RHOJ: variants seen among roughly 807,000 people sequenced by gnomAD.
The protein encoded by RHOJ is rho-related GTP-binding protein RhoJ.
A neutral mutation model predicts 23.4 loss-of-function variants in RHOJ; 11 were observed. The ratio of observed to expected loss-of-function variants is 0.47; its 90% CI spans 0.30 to 0.78. The LOEUF (loss-of-function observed/expected upper bound fraction) is 0.78. Ranked by LOEUF, RHOJ falls within the 30% of genes least tolerant of loss-of-function variation. The pLI, the probability that RHOJ is intolerant of heterozygous loss-of-function variation, is 0.08. For synonymous variants in RHOJ, 102 were observed against 102.7 expected (o/e 0.99, Z 0.04); for missense variants, 254 against 273.4 (o/e 0.93, Z 0.50).
chr14:63,281,242 A>C, intron 3 of RHOJ, 107 bp downstream of exon 3: 2 of 1,080,318 alleles, frequency 1.9e-6, no homozygotes, highest in South Asian at 1.8e-5. Flanking sequence ...AGTGTGTCTC[A>C]GACATGTCAA....
intron 2 of RHOJ, among the ~76,000 whole-genome samples, chr14:63,271,956 C>T (rs757112611): frequency 5.3e-5 from 8 of 152,242 alleles, no homozygotes; most frequent in Non-Finnish European, 8.8e-5. Flanking sequence ...TTGAGAGCCA[C>T]TCAAAGTGTG....
rs921202045 is a variant in RHOJ, at chr14:63,205,020, G to A, written c.151G>A (p.Val51Met). The A allele has an allele frequency of 2.5e-6, 4 of 1,614,028 alleles. No individual in the cohort carries two copies. In the African/African-American group the frequency reaches 5.3e-5, roughly 22 times the overall value. The change falls in exon 1 of 5, where the codon GTG becomes ATG. Residue 51 changes from valine to methionine, a missense_variant. Transcript: ENST00000316754. Reference sequence around the variant, plus strand: ...CAACGACGCCTTCCCAGAGGAATACGTGCCCACTGTGTTTGACCACTATGC... The same window carrying A: ...CAACGACGCCTTCCCAGAGGAATACATGCCCACTGTGTTTGACCACTATGC... Reference protein sequence around the residue: ...YANDAFPEEYVPTVFDHYAVT... With the variant: ...YANDAFPEEYMPTVFDHYAVT...
chr14:63,260,529 T>C (rs972488128), intron 1 of RHOJ, among the ~76,000 whole-genome samples: 7 of 152,242 alleles, frequency 4.6e-5, no homozygotes, highest in African/African-American at 1.4e-4. Flanking sequence ...CCATGATTGC[T>C]GAGCATCCAA....
chr14:63,287,599 G>GTT (rs200884009), intron 4 of RHOJ, among the ~76,000 whole-genome samples: 6 of 139,358 alleles, frequency 4.3e-5, no homozygotes, highest in South Asian at 2.3e-4. Flanking sequence ...AGTCATTACG[G>GTT]TTTTTTTTTT....
chr14:63,230,841 CTT>C (rs57848893), intron 1 of RHOJ, among the ~76,000 whole-genome samples: 38 of 95,216 alleles, frequency 4.0e-4, no homozygotes, highest in Admixed American at 5.1e-4. Context: ...GGGTACAAGG[CTT>C]TTTTTTTTTT....
chr14:63,290,428 C>T (rs1021428768), intron 4 of RHOJ, among the ~76,000 whole-genome samples: 2 of 152,104 alleles, frequency 1.3e-5, no homozygotes, highest in Non-Finnish European at 1.5e-5. Flanking sequence ...AAAGAAGATA[C>T]ATTTCACTTG....
chr14:63,237,343 A>AG (rs1371566116), intron 1 of RHOJ, among the ~76,000 whole-genome samples: 1 of 152,220 alleles, frequency 6.6e-6, no homozygotes, highest in Non-Finnish European at 1.5e-5. Flanking sequence ...TTATTTTATG[A>AG]GAAAAAAAGC....
At chr14:63,219,191 TC>T (rs1894430303) in intron 1 of RHOJ, among the ~76,000 whole-genome samples, 1 of 152,128 alleles carries the variant, frequency 6.6e-6, no homozygotes, top group African/African-American at 2.4e-5. Flanking sequence ...ATCTAGTTAT[TC>T]CCATAAACCC....
At chr14:63,234,518 A>T (rs1023448103) in intron 1 of RHOJ, among the ~76,000 whole-genome samples, 4 of 152,236 alleles carry the variant, frequency 2.6e-5, no homozygotes, top group East Asian at 3.8e-4. Flanking sequence ...GCTTCAGTAT[A>T]AAAGACCTGA....
intron 2 of RHOJ, 83 bp downstream of exon 2, chr14:63,269,251 T>C (rs1895423544): frequency 3.2e-6 from 3 of 945,932 alleles, no homozygotes; most frequent in Non-Finnish European, 5.2e-6. Flanking sequence ...ATGGGACTCA[T>C]AGCACAGATA....
At chr14:63,257,118 G>T (rs1179719497) in intron 1 of RHOJ, among the ~76,000 whole-genome samples, 4 of 147,858 alleles carry the variant, frequency 2.7e-5, no homozygotes, top group African/African-American at 1.0e-4. Context: ...CATGCCTGTA[G>T]TCCCAGCTAC....
chr14:63,225,107 A>G (rs1243175844), intron 1 of RHOJ, among the ~76,000 whole-genome samples: 1 of 151,950 alleles, frequency 6.6e-6, no homozygotes, highest in Non-Finnish European at 1.5e-5. Context: ...GCCCGCCACT[A>G]CACCCGTCTA....
intron 1 of RHOJ, among the ~76,000 whole-genome samples, chr14:63,234,141 A>C (rs17224456): frequency 0.2 from 30,141 of 152,170 alleles, 3,313 homozygotes; most frequent in African/African-American, 0.29. Flanking sequence ...CTCCTTCTTG[A>C]AAGCTTCTCT....
chr14:63,242,756 A>G (rs1297152962), intron 1 of RHOJ, among the ~76,000 whole-genome samples: 2 of 152,186 alleles, frequency 1.3e-5, no homozygotes, highest in African/African-American at 4.8e-5. Context: ...TTCTGTGAGA[A>G]AAAACTCATA....
chr14:63,220,600 G>A (rs545810759), intron 1 of RHOJ, among the ~76,000 whole-genome samples: 1 of 152,292 alleles, frequency 6.6e-6, no homozygotes, highest in East Asian at 1.9e-4. Context: ...CAGAAATCCT[G>A]GCTGGGCAGC....
chr14:63,284,450 G>A, intron 4 of RHOJ: 1 of 695,628 alleles, frequency 1.4e-6, no homozygotes, highest in South Asian at 6.4e-5. Flanking sequence ...GATAGCGTTG[G>A]TCTCAGCTTA....
At chr14:63,276,180 G>A (rs891452974) in intron 2 of RHOJ, among the ~76,000 whole-genome samples, 3 of 151,278 alleles carry the variant, frequency 2.0e-5, no homozygotes, top group Non-Finnish European at 4.4e-5. Context: ...CACTGATGGT[G>A]CAGCCTCTCC....
chr14:63,282,777 T>C (rs1180662028), intron 3 of RHOJ, among the ~76,000 whole-genome samples: 1 of 151,468 alleles, frequency 6.6e-6, no homozygotes, highest in Non-Finnish European at 1.5e-5. Context: ...CACTGAAAGG[T>C]AATGAGACTG....
At chr14:63,268,399 A>ACTT (rs1895406201) in intron 1 of RHOJ, among the ~76,000 whole-genome samples, 1 of 152,196 alleles carries the variant, frequency 6.6e-6, no homozygotes, top group African/African-American at 2.4e-5. Flanking sequence ...GCAAAGTAGT[A>ACTT]AGCTACTGAG....
Sources: gnomAD v4.1 joint callset for allele counts (sites outside exome capture counted in the v4.1 genomes callset) on GRCh38, gnomAD v4.1.1 for gene constraint, MANE v1.5 for transcripts, NCBI Gene and HGNC (gene_info 2026-07-23, HGNC 2026-07-21) for gene names.